PLCB4: variants seen among roughly 807,000 people sequenced by gnomAD.
PLCB4 encodes the protein phospholipase C beta 4, also known as 1-phosphatidylinositol 4,5-bisphosphate phosphodiesterase beta-4.
In PLCB4, 77 loss-of-function variants were observed where a neutral mutation model predicts 178.8. The ratio of observed to expected loss-of-function variants is 0.43; its 90% CI spans 0.36 to 0.52. The LOEUF (loss-of-function observed/expected upper bound fraction) is 0.52. Among genes scored for constraint, PLCB4 ranks in the 20% least tolerant of loss-of-function variants. The pLI is 0.00. For synonymous variants in PLCB4, 496 were observed against 490.8 expected, an observed-to-expected ratio of 1.01 and a Z score of -0.14; for missense variants, 1,024 against 1,453.4, an observed-to-expected ratio of 0.70 and a Z score of 4.80.
intron 1 of PLCB4, among the ~76,000 whole-genome samples, chr20:9,070,794 CAACTA>C (rs900460244): frequency 5.3e-5 from 8 of 152,120 alleles, no homozygotes; most frequent in African/African-American, 1.9e-4. Context: ...CACTTCCTTC[CAACTA>C]TATTATTACT....
intron 7 of PLCB4, among the ~76,000 whole-genome samples, chr20:9,346,151 A>T: frequency 6.6e-6 from 1 of 152,186 alleles, no homozygotes; most frequent in Non-Finnish European, 1.5e-5. Flanking sequence ...ATTCAGTTTT[A>T]ATTATACTGT....
chr20:9,320,056 G>A (rs906558854), intron 4 of PLCB4, among the ~76,000 whole-genome samples: 6 of 152,188 alleles, frequency 3.9e-5, no homozygotes, highest in African/African-American at 1.2e-4. Flanking sequence ...TGAGTGCACA[G>A]AGTAAAGTGA....
chr20:9,393,362 C>T (rs2038309144), intron 17 of PLCB4, among the ~76,000 whole-genome samples: 1 of 152,188 alleles, frequency 6.6e-6, no homozygotes, highest in South Asian at 2.1e-4. Context: ...CAGCTCTGCA[C>T]ACCTCTGGAA....
intron 33 of PLCB4, among the ~76,000 whole-genome samples, chr20:9,456,303 C>T (rs1198097075): frequency 1.3e-5 from 2 of 152,190 alleles, no homozygotes; most frequent in African/African-American, 2.4e-5. Flanking sequence ...GAAAGGGAAG[C>T]TTTATTCAAG....
chr20:9,478,469 G>A (rs1486273469), intron 39 of PLCB4, among the ~76,000 whole-genome samples: 1 of 152,094 alleles, frequency 6.6e-6, no homozygotes, highest in Non-Finnish European at 1.5e-5. Context: ...CTAAATTTCA[G>A]GCTATTTAGG....
rs190805762 is a variant in PLCB4, at chr20:9,205,528, C to T, written c.-78-11862C>T. Among the ~76,000 whole-genome samples, 206 of 152,276 alleles carry T rather than the reference C, an allele frequency of 1.4e-3. 1 individual carries two copies. The highest frequency in any genetic ancestry group is 3.4e-3 in the Middle Eastern group (1 of 294). ...TATAATACAGAGAAATCTCATATAT[C>T]CTTTACCCAGTTTTCCCCACTGGTA... On this transcript the variant is annotated intron_variant, in intron 2 of 39. Transcript: ENST00000378473.
chr20:9,395,070 G>C (rs766792035), intron 18 of PLCB4, among the ~76,000 whole-genome samples: 121 of 152,138 alleles, frequency 8.0e-4, no homozygotes, highest in Admixed American at 6.1e-3. Context: ...TGTATAGTAG[G>C]ATATAATCCC....
intron 3 of PLCB4, among the ~76,000 whole-genome samples, chr20:9,275,490 A>G (rs1025716267): frequency 6.6e-6 from 1 of 152,024 alleles, no homozygotes; most frequent in African/African-American, 2.4e-5. Flanking sequence ...ATGGGACGCT[A>G]TTATTGCACA....
chr20:9,099,931 T>C (rs1416075279), intron 2 of PLCB4, among the ~76,000 whole-genome samples: 1 of 152,226 alleles, frequency 6.6e-6, no homozygotes, highest in Non-Finnish European at 1.5e-5. Flanking sequence ...GGCTACCTGG[T>C]ATCTGAATCC....
intron 2 of PLCB4, among the ~76,000 whole-genome samples, chr20:9,186,497 A>G (rs2093330688): frequency 6.6e-6 from 1 of 152,208 alleles, no homozygotes; most frequent in Non-Finnish European, 1.5e-5. Flanking sequence ...GAAACCAACT[A>G]GTAAACCCAA....
chr20:9,384,458 C>A (rs1166960587), intron 14 of PLCB4, 47 bp downstream of exon 14: 2 of 1,284,760 alleles, frequency 1.6e-6, no homozygotes, highest in African/African-American at 1.5e-5. Context: ...TGATGCCCTT[C>A]AGTTTAATTT....
chr20:9,150,870 G>A (rs2092679477), intron 2 of PLCB4, among the ~76,000 whole-genome samples: 1 of 152,158 alleles, frequency 6.6e-6, no homozygotes, highest in African/African-American at 2.4e-5. Flanking sequence ...TTCAGCTGTT[G>A]CCATAAAAAT....
intron 1 of PLCB4, among the ~76,000 whole-genome samples, chr20:9,076,808 G>A (rs1386133304): frequency 1.4e-5 from 2 of 144,312 alleles, no homozygotes; most frequent in Non-Finnish European, 3.0e-5. Context: ...AATCACCAAA[G>A]CCCTCTCTGG....
intron 3 of PLCB4, among the ~76,000 whole-genome samples, chr20:9,253,938 AG>A (rs1406911806): frequency 6.6e-6 from 1 of 152,210 alleles, no homozygotes; most frequent in African/African-American, 2.4e-5. Context: ...TCTTCAACTG[AG>A]AAGGTGCCAT....
At chr20:9,113,920 G>A (rs571218047) in intron 2 of PLCB4, among the ~76,000 whole-genome samples, 18 of 152,210 alleles carry the variant, frequency 1.2e-4, no homozygotes, top group Admixed American at 3.9e-4. Context: ...TTTTGCTCAA[G>A]TTGTGATGTC....
Position 9,472,845 on chromosome 20 carries a change from A to G in PLCB4, c.3406A>G (p.Arg1136Gly). The change falls in exon 37 of 40, where the codon AGA becomes GGA. Residue 1136 changes from arginine (R) to glycine (G), a missense_variant and splice_region_variant. Arg to Gly is a moderately radical substitution (Grantham distance 125). Around this residue, in one of 7 missense-constraint regions of PLCB4, gnomAD observed 264 missense variants for 283.2 expected, o/e 0.93. Coordinates refer to ENST00000378473, the MANE Select transcript of PLCB4 (RefSeq NM_001377142.1). The part of the protein sequence containing the change: ...NTKKFLEERK[R>G]LAMKQSKEMD... ...TAAAAAGTTTCTGGAAGAAAGAAAG[A>G]GAGTAAGTATTTTATTATATTTTTG... is the stretch of plus-strand genomic sequence containing the variant. 1 of 1,565,800 alleles carries G rather than the reference A, an allele frequency of 6.4e-7. No homozygotes were observed. The highest frequency in any genetic ancestry group is 8.8e-7 in the Non-Finnish European group (1 of 1,140,526).
intron 3 of PLCB4, among the ~76,000 whole-genome samples, chr20:9,255,206 T>C (rs888293711): frequency 6.6e-6 from 1 of 152,226 alleles, no homozygotes; most frequent in Non-Finnish European, 1.5e-5. Flanking sequence ...CCTAATACTT[T>C]TGTTTCATTT....
At chr20:9,176,566 C>T (rs2093158461) in intron 2 of PLCB4, among the ~76,000 whole-genome samples, 1 of 152,052 alleles carries the variant, frequency 6.6e-6, no homozygotes, top group Non-Finnish European at 1.5e-5. Context: ...ACATTATGCA[C>T]ACATATGTAA....
intron 12 of PLCB4, among the ~76,000 whole-genome samples, chr20:9,374,649 A>T (rs563418572): frequency 6.6e-6 from 1 of 152,272 alleles, no homozygotes; most frequent in South Asian, 2.1e-4. Context: ...AACATTACAG[A>T]GACCTTAATA....
Sources: gnomAD v4.1 joint callset for allele counts (sites outside exome capture counted in the v4.1 genomes callset) on GRCh38, gnomAD v4.1.1 for gene constraint, gnomAD v4.1.1 regional missense constraint, MANE v1.5 for transcripts, NCBI Gene and HGNC (gene_info 2026-07-23, HGNC 2026-07-21) for gene names.